Variants in EHHADH observed in about 807,000 individuals in gnomAD.
EHHADH encodes the protein peroxisomal bifunctional enzyme.
EHHADH carries 48 observed loss-of-function variants against 64.4 expected under a neutral mutation model. The observed-to-expected ratio is 0.75, with a 90% CI of 0.59 to 0.95. The LOEUF is 0.95. Among genes scored for constraint, EHHADH ranks in the 40% least tolerant of loss-of-function variants. EHHADH has a pLI of 0.00. For missense variants in EHHADH, 854 were observed against 876.6 expected (o/e 0.97, Z 0.33); for synonymous variants, 308 against 326.7 (o/e 0.94, Z 0.62).
intron 4 of EHHADH, among the ~76,000 whole-genome samples, chr3:185,219,519 T>C (rs1040549666): frequency 6.6e-6 from 1 of 152,212 alleles, no homozygotes; most frequent in Admixed American, 6.5e-5. Context: ...ATAGGAGATA[T>C]AGAAGTTTGA....
At chr3:185,208,734 G>C (rs1192796433) in intron 5 of EHHADH, among the ~76,000 whole-genome samples, 1 of 152,014 alleles carries the variant, frequency 6.6e-6, no homozygotes, top group African/African-American at 2.4e-5. Flanking sequence ...AATATTCATG[G>C]CAGCATTATT....
chr3:185,245,676 A>G, intron 2 of EHHADH: 1 of 715,108 alleles, frequency 1.4e-6, no homozygotes, highest in South Asian at 1.5e-5. Context: ...TTTTGTTGGA[A>G]TCTTCCTTTA....
At chr3:185,253,836 A>G in intron 1 of EHHADH, 113 bp downstream of exon 1, 1 of 1,492,308 alleles carries the variant, frequency 6.7e-7, no homozygotes, top group Non-Finnish European at 9.0e-7. Context: ...CAGTTGCTCA[A>G]CTCTTGAGTG....
chr3:185,250,018 AG>A (rs1346153900), intron 1 of EHHADH, among the ~76,000 whole-genome samples: 2 of 152,186 alleles, frequency 1.3e-5, no homozygotes, highest in Non-Finnish European at 2.9e-5. Context: ...CTATGTATTG[AG>A]GATGGTAGAG....
At chr3:185,197,307 A>T (rs1404198065) in intron 6 of EHHADH, among the ~76,000 whole-genome samples, 1 of 152,194 alleles carries the variant, frequency 6.6e-6, no homozygotes, top group Non-Finnish European at 1.5e-5. Flanking sequence ...AAATTGTGGC[A>T]AAATACACAT....
At chr3:185,251,744 G>C (rs1370405095) in intron 1 of EHHADH, among the ~76,000 whole-genome samples, 1 of 151,934 alleles carries the variant, frequency 6.6e-6, no homozygotes, top group Non-Finnish European at 1.5e-5. Context: ...AAGAAAAAGT[G>C]TAAGAAAAAA....
chr3:185,220,642 A>G (rs953637261), intron 4 of EHHADH, among the ~76,000 whole-genome samples: 7 of 152,260 alleles, frequency 4.6e-5, no homozygotes, highest in African/African-American at 1.7e-4. Context: ...GGATCTAAAG[A>G]CATGGCTCTG....
At chr3:185,223,335 G>C (rs138563009) in intron 4 of EHHADH, among the ~76,000 whole-genome samples, 2 of 151,836 alleles carry the variant, frequency 1.3e-5, no homozygotes, top group Non-Finnish European at 2.9e-5. Flanking sequence ...TTTTAAATAC[G>C]GTGTTCTTAT....
At chr3:185,210,401 C>T (rs1330557779) in intron 5 of EHHADH, among the ~76,000 whole-genome samples, 4 of 151,960 alleles carry the variant, frequency 2.6e-5, no homozygotes, top group East Asian at 1.9e-4. Context: ...TTTGGGAGGC[C>T]GAGGCAGGTG....
intron 6 of EHHADH, among the ~76,000 whole-genome samples, chr3:185,202,175 T>G (rs1010702436): frequency 9.2e-5 from 14 of 152,034 alleles, no homozygotes; most frequent in Non-Finnish European, 2.9e-5. Flanking sequence ...CTGTCTCTAC[T>G]AAAAATACAA....
intron 2 of EHHADH, among the ~76,000 whole-genome samples, chr3:185,239,201 A>G (rs1399774501): frequency 2.0e-5 from 3 of 151,968 alleles, no homozygotes; most frequent in Admixed American, 2.0e-4. Flanking sequence ...ATAATATAAT[A>G]TGAAGTCAGG....
At chr3:185,248,345 T>TTGGTATTGGTCTC in intron 2 of EHHADH, 69 bp downstream of exon 2, 1 of 1,086,704 alleles carries the variant, frequency 9.2e-7, no homozygotes, top group Non-Finnish European at 1.4e-6. Flanking sequence ...CAAGCACAGC[T>TTGGTATTGGTCTC]AATGCAGTAT....
intron 6 of EHHADH, among the ~76,000 whole-genome samples, chr3:185,201,139 C>T (rs1035276897): frequency 6.6e-6 from 1 of 152,018 alleles, no homozygotes; most frequent in African/African-American, 2.4e-5. Flanking sequence ...GAGAAATATT[C>T]AGGGTAACGA....
intron 6 of EHHADH, among the ~76,000 whole-genome samples, chr3:185,196,291 A>C (rs947804493): frequency 1.3e-5 from 2 of 152,186 alleles, no homozygotes; most frequent in Non-Finnish European, 2.9e-5. Context: ...AATAAATTTC[A>C]TTTTCTCACG....
chr3:185,196,123 G>T (rs1267339730), intron 6 of EHHADH, among the ~76,000 whole-genome samples: 1 of 152,078 alleles, frequency 6.6e-6, no homozygotes, highest in Non-Finnish European at 1.5e-5. Context: ...CCACAGAAAT[G>T]GAATATTCCA....
chr3:185,204,782 G>A (rs907611587), intron 5 of EHHADH, 25 bp from the exon 6 acceptor site: 2 of 1,548,662 alleles, frequency 1.3e-6, no homozygotes, highest in African/African-American at 2.7e-5. Context: ...AAGGATCAGA[G>A]CTTTGGAAAT....
In EHHADH at chr3:185,192,171, A is replaced by T; in HGVS notation, c.*55T>A. 2.6e-6 allele frequency: 4 copies of T among 1,514,728 alleles called. No homozygotes were observed. In the South Asian group the frequency reaches 5.2e-5, roughly 20 times the overall value. 93.8% of individuals were successfully genotyped at this position (1,514,728 alleles called of 1,614,324 possible). On this transcript the variant is annotated 3_prime_UTR_variant, in exon 7 of 7. Transcript: ENST00000231887. Reference sequence around the variant, plus strand: ...TGGATTTTTGATTTAATTTCACTGAAATTCAGTCAGCATTACCTGATGCTA... The same window carrying T: ...TGGATTTTTGATTTAATTTCACTGATATTCAGTCAGCATTACCTGATGCTA...
chr3:185,206,458 A>C (rs1443251143), intron 5 of EHHADH, among the ~76,000 whole-genome samples: 2 of 152,180 alleles, frequency 1.3e-5, no homozygotes, highest in Non-Finnish European at 2.9e-5. Context: ...CACCAAAAGC[A>C]TGACATACAA....
intron 5 of EHHADH, among the ~76,000 whole-genome samples, chr3:185,213,119 CAAAA>C (rs550233979): frequency 3.3e-4 from 14 of 43,054 alleles, no homozygotes; most frequent in East Asian, 1.3e-3. Context: ...GACTCTGTCT[CAAAA>C]AAAAAAAAAA....
Sources: gnomAD v4.1 joint callset for allele counts (sites outside exome capture counted in the v4.1 genomes callset) on GRCh38, gnomAD v4.1.1 for gene constraint, MANE v1.5 for transcripts, NCBI Gene and HGNC (gene_info 2026-07-23, HGNC 2026-07-21) for gene names.